Variants in ANKRD36C observed in about 807,000 individuals in gnomAD.
The protein encoded by ANKRD36C is ankyrin repeat domain-containing protein 36C.
ANKRD36C carries 61 observed loss-of-function variants against 276.4 expected under a neutral mutation model. The observed-to-expected ratio is 0.22, with a 90% CI of 0.18 to 0.27. ANKRD36C has a LOEUF of 0.27. Among genes scored for constraint, ANKRD36C ranks in the 10% least tolerant of loss-of-function variants. The pLI, the probability that ANKRD36C is intolerant of heterozygous loss-of-function variation, is 1.00. For synonymous variants in ANKRD36C, 483 were observed against 680.1 expected (o/e 0.71, Z 4.51); for missense variants, 1,447 against 2,032.3 (o/e 0.71, Z 5.54).
At chr2:95,896,484 T>A (rs989000944) in intron 44 of ANKRD36C, among the ~76,000 whole-genome samples, 3 of 149,964 alleles carry the variant, frequency 2.0e-5, no homozygotes, top group African/African-American at 7.4e-5. Context: ...GAAGTCTCAT[T>A]AAATAGCTAT....
At chr2:95,963,698 C>T (rs1678508850) in intron 6 of ANKRD36C, among the ~76,000 whole-genome samples, 1 of 112,810 alleles carries the variant, frequency 8.9e-6, no homozygotes, top group African/African-American at 3.5e-5. Context: ...GAAGTGAGTT[C>T]AGTTATACTT....
intron 17 of ANKRD36C, among the ~76,000 whole-genome samples, chr2:95,946,014 CA>C (rs1678037146): frequency 6.6e-6 from 1 of 152,196 alleles, no homozygotes; most frequent in African/African-American, 2.4e-5. Flanking sequence ...ATTTACTCGA[CA>C]ATTTGTTTTG....
chr2:95,928,707 T>C (rs985393502), intron 26 of ANKRD36C, among the ~76,000 whole-genome samples: 2 of 151,616 alleles, frequency 1.3e-5, no homozygotes, highest in African/African-American at 4.8e-5. Flanking sequence ...CCTCTGTTTA[T>C]AACAATATGA....
chr2:95,927,392 G>T (rs1044108133), exon 27 of ANKRD36C: 1 of 1,605,928 alleles, frequency 6.2e-7, no homozygotes, highest in South Asian at 1.1e-5. Flanking sequence ...TTCTCAGCTG[G>T]TTGTTTCTGA....
chr2:95,963,988 T>TATATAA (rs1678527138), intron 6 of ANKRD36C, among the ~76,000 whole-genome samples: 6 of 19,516 alleles, frequency 3.1e-4, no homozygotes, highest in South Asian at 3.9e-3. Context: ...TATATATATA[T>TATATAA]ATATATATAT....
rs757961708 is a variant in ANKRD36C at position 95,886,091 on chromosome 2, C to T, written c.3120G>A (p.Ser1040=). Residue 1040 remains serine, a synonymous_variant, in exon 52 of 67, where the codon TCG becomes TCA. Transcript: ENST00000456556. ...CATCCTTTATCTCTGTGGCTATATT[C>T]GAAACAGAATCTTTCTTGACACTTG... 1.0e-4 allele frequency: 164 copies of T among 1,610,510 alleles called. 1 individual carries two copies. In the East Asian group the frequency reaches 3.2e-3, roughly 32 times the overall value.
At chr2:95,895,012 T>C (rs1175474638) in intron 44 of ANKRD36C, among the ~76,000 whole-genome samples, 2 of 147,676 alleles carry the variant, frequency 1.4e-5, no homozygotes, top group African/African-American at 2.5e-5. Context: ...TGTCTACGGC[T>C]TATTATGAAC....
At chr2:95,880,606 G>T in exon 57 of ANKRD36C, 1 of 1,523,190 alleles carries the variant, frequency 6.6e-7, no homozygotes, top group East Asian at 2.5e-5. Context: ...TTCAAGGTGG[G>T]CAGATTCTCA....
chr2:95,929,469 T>C (rs1365310894), intron 24 of ANKRD36C, among the ~76,000 whole-genome samples: 1 of 151,386 alleles, frequency 6.6e-6, no homozygotes, highest in Non-Finnish European at 1.5e-5. Context: ...CTTCAAGAAA[T>C]ATACACTGAC....
At chr2:95,967,984 C>T (rs1678626332) in intron 6 of ANKRD36C, among the ~76,000 whole-genome samples, 2 of 152,096 alleles carry the variant, frequency 1.3e-5, no homozygotes, top group Middle Eastern at 3.4e-3. Flanking sequence ...CCCAGCTACT[C>T]GGGAGGCCGA....
intron 6 of ANKRD36C, among the ~76,000 whole-genome samples, chr2:95,974,042 C>T (rs963385778): frequency 1.2e-4 from 17 of 147,776 alleles, no homozygotes; most frequent in Admixed American, 3.4e-4. Flanking sequence ...CAGCAAAAGA[C>T]TCAATCTCAA....
chr2:95,852,634 G>A, intron 64 of ANKRD36C: 1 of 155,880 alleles, frequency 6.4e-6, no homozygotes, highest in Non-Finnish European at 1.4e-5. Flanking sequence ...GATTACATCA[G>A]GCTAAGCATT....
At chr2:95,978,948 C>T (rs1314690335) in intron 5 of ANKRD36C, among the ~76,000 whole-genome samples, 2 of 152,038 alleles carry the variant, frequency 1.3e-5, no homozygotes, top group African/African-American at 2.4e-5. Context: ...TCTCTACAGA[C>T]TCTAACTGAA....
rs537858709 is a variant in ANKRD36C at position 95,917,730 on chromosome 2, A to C, written c.2347+125T>G. ...TTTATTACAAATGAAGACTCTCAGGACTGCTGGATCAGAATGTGCAGCTTT... is the reference window on the plus strand; with the variant it reads ...TTTATTACAAATGAAGACTCTCAGGCCTGCTGGATCAGAATGTGCAGCTTT... On this transcript the variant is annotated intron_variant, in intron 36 of 66. Transcript: ENST00000456556. The C allele has an allele frequency of 2.4e-4, 305 of 1,265,018 alleles. 1 individual carries two copies. The African/African-American group carries it at 4.1e-3, about 17-fold the overall frequency. 78.4% of individuals were successfully genotyped at this position (1,265,018 alleles called of 1,614,324 possible). A position where few individuals can be genotyped will look rare whatever the true frequency, so the allele number is the denominator to read the frequency against.
chr2:95,938,492 G>C (rs1306276866), intron 22 of ANKRD36C, among the ~76,000 whole-genome samples: 1 of 152,082 alleles, frequency 6.6e-6, no homozygotes, highest in Non-Finnish European at 1.5e-5. Flanking sequence ...TTCTCTAGAT[G>C]AAGAAGAGAG....
At chr2:95,919,952 T>C (rs1268995094) in intron 34 of ANKRD36C, 32 bp from the exon 35 acceptor site, 7 of 1,532,480 alleles carry the variant, frequency 4.6e-6, no homozygotes, top group Non-Finnish European at 6.1e-6. Context: ...TAATCACTCA[T>C]ATATAAATAT....
chr2:95,989,720 C>A lies in ANKRD36C; in HGVS notation c.197+1792G>T, dbSNP rs200461257. ...ATTTTTACAGTGTGATACTTACCAA[C>A]AAATTGTCTATTTGAAAAGTCATCA... On this transcript the variant is annotated intron_variant, in intron 1 of 66. Transcript: ENST00000456556. Among the ~76,000 whole-genome samples, 254 of 152,264 alleles carry A rather than the reference C, an allele frequency of 1.7e-3. 1 individual carries two copies. The highest frequency in any genetic ancestry group is 3.7e-3 in the South Asian group (18 of 4,826).
Position 95,971,131 on chromosome 2 carries a change from G to C in ANKRD36C, c.799+6991C>G, listed in dbSNP as rs777861422. Among the ~76,000 whole-genome samples, 21 of 152,200 alleles carry C rather than the reference G, an allele frequency of 1.4e-4. No individual in the cohort carries two copies. In the Middle Eastern group the frequency reaches 0.017, roughly 123 times the overall value. On this transcript the variant is annotated intron_variant, in intron 6 of 66. Coordinates refer to ENST00000456556, the Ensembl canonical transcript of ANKRD36C. ...TATGTTATCCTTAATATATGACTAT[G>C]CTGGACATATCAAAACTATGGGGAC...
chr2:95,948,577 G>C (rs575178290), exon 17 of ANKRD36C: 1 of 1,528,364 alleles, frequency 6.5e-7, no homozygotes, highest in Non-Finnish European at 8.7e-7. Flanking sequence ...TGTGCAAAAC[G>C]GTCCAGTAGG....
Sources: gnomAD v4.1 joint callset for allele counts (sites outside exome capture counted in the v4.1 genomes callset) on GRCh38, gnomAD v4.1.1 for gene constraint, MANE v1.5 for transcripts, NCBI Gene and HGNC (gene_info 2026-07-23, HGNC 2026-07-21) for gene names.